Variants in FGF14 observed in about 807,000 individuals in gnomAD.
FGF14 encodes fibroblast growth factor 14.
FGF14 carries 5 observed loss-of-function variants against 25.5 expected under a neutral mutation model. The observed-to-expected ratio is 0.20, with a 90% CI of 0.10 to 0.41. The LOEUF (loss-of-function observed/expected upper bound fraction) is 0.41. FGF14 is among the 10% of genes least tolerant of loss of function. The pLI, the probability that FGF14 is intolerant of heterozygous loss-of-function variation, is 1.00. For synonymous variants in FGF14, 138 were observed against 118.3 expected (o/e 1.17, Z -1.08); for missense variants, 222 against 320.1 (o/e 0.69, Z 2.34).
Position 101,805,707 on chromosome 13 carries a change from G to A in FGF14, c.408+63018C>T, listed in dbSNP as rs1019189370. Among the ~76,000 whole-genome samples the A allele has an allele frequency of 7.9e-5, 12 of 152,096 alleles. No homozygotes were observed. In the East Asian group the frequency reaches 2.3e-3, roughly 29 times the overall value. ...TATCAAAATTGCACAGACAACCAGTGTACAATAAATATAACATTCTGACCA... is the reference window on the plus strand; with the variant it reads ...TATCAAAATTGCACAGACAACCAGTATACAATAAATATAACATTCTGACCA... On this transcript the variant is annotated intron_variant, in intron 3 of 4. Transcript: ENST00000376143.
Position 102,182,791 on chromosome 13 carries a change from A to G in FGF14, c.208+218680T>C, listed in dbSNP as rs1024707928. Among the ~76,000 whole-genome samples, 7 of 152,314 alleles carry G rather than the reference A, an allele frequency of 4.6e-5. No individual in the cohort carries two copies. The East Asian group carries it at 1.2e-3, about 25-fold the overall frequency. On this transcript the variant is annotated intron_variant, in intron 1 of 4. Transcript: ENST00000376131. The stretch of plus-strand genomic sequence containing the variant: ...CTTGCCCAATGGTTTATTGAAGTTC[A>G]GATTACAGAAGTAGATGGATTATAA...
chr13:102,067,468 T>C (rs181160558), intron 1 of FGF14, among the ~76,000 whole-genome samples: 111 of 151,936 alleles, frequency 7.3e-4, no homozygotes, highest in Non-Finnish European at 1.2e-3. Context: ...TCTCAACTCC[T>C]AATTGGGTGA....
At chr13:102,341,903 C>G (rs2056963229) in intron 1 of FGF14, among the ~76,000 whole-genome samples, 1 of 152,138 alleles carries the variant, frequency 6.6e-6, no homozygotes, top group South Asian at 2.1e-4. Context: ...TCCTTTGCCT[C>G]TGTGGTTAGC....
chr13:101,903,484 C>T (rs16959454), intron 1 of FGF14, among the ~76,000 whole-genome samples: 1,851 of 152,050 alleles, frequency 0.012, 44 homozygotes, highest in African/African-American at 0.042. Context: ...CTGGAAGAAT[C>T]GAGTTCTATA....
intron 1 of FGF14, among the ~76,000 whole-genome samples, chr13:102,387,751 G>A (rs1010798046): frequency 1.3e-5 from 2 of 150,654 alleles, no homozygotes; most frequent in Non-Finnish European, 3.0e-5. Flanking sequence ...GGGTTTTTTT[G>A]AGATGGACTC....
At chr13:102,050,958 G>C (rs1331047698) in intron 1 of FGF14, among the ~76,000 whole-genome samples, 1 of 152,134 alleles carries the variant, frequency 6.6e-6, no homozygotes, top group Non-Finnish European at 1.5e-5. Context: ...TTCTTGATGG[G>C]GAACACCAGA....
chr13:102,264,151 G>A (rs937488057), intron 1 of FGF14, among the ~76,000 whole-genome samples: 6 of 151,916 alleles, frequency 3.9e-5, no homozygotes, highest in Non-Finnish European at 8.8e-5. Flanking sequence ...TCATAGCTCT[G>A]TCATTTGCCA....
At chr13:102,028,958 A>G (rs1479136808) in intron 1 of FGF14, among the ~76,000 whole-genome samples, 2 of 152,068 alleles carry the variant, frequency 1.3e-5, no homozygotes, top group South Asian at 4.1e-4. Flanking sequence ...GGGAAGGAGC[A>G]TTCAGCTAAA....
In FGF14 at chr13:102,160,371, AC is replaced by A. The variant is rs1361460692; in HGVS notation, c.208+241099del. Among the ~76,000 whole-genome samples, 5 of 151,642 alleles carry A rather than the reference AC, an allele frequency of 3.3e-5. No homozygotes were observed. In the East Asian group the frequency reaches 9.7e-4, roughly 30 times the overall value. ...AGCTATGTTCTACATCATCCAGTCC[AC>A]CCCCCAGAAACAGCAGCCTCATCAA... On this transcript the variant is annotated intron_variant, in intron 1 of 4. Coordinates refer to the FGF14 transcript ENST00000376131.
At chr13:102,402,026 T>C (rs774848393), upstream of FGF14, 10 of 322,120 alleles carry the variant, frequency 3.1e-5, no homozygotes, top group Non-Finnish European at 5.6e-5. Context: ...AGACTGCCAT[T>C]GTGTAGCCCC....
intron 1 of FGF14, among the ~76,000 whole-genome samples, chr13:102,271,740 T>C (rs1018038008): frequency 2.6e-5 from 4 of 152,174 alleles, no homozygotes; most frequent in Admixed American, 1.3e-4. Flanking sequence ...TCGAGCACTT[T>C]TGGATGTCTG....
rs1181518445 is a variant in FGF14 at position 101,724,627 on chromosome 13, TATATAA to T, written c.608-1666_608-1661del. Among the ~76,000 whole-genome samples, 3 of 92,570 alleles carry T rather than the reference TATATAA, an allele frequency of 3.2e-5. No individual in the cohort carries two copies. In the Admixed American group the frequency reaches 4.0e-4, roughly 12 times the overall value. 60.7% of individuals were successfully genotyped at this position (92,570 alleles called of 152,430 possible). A position where few individuals can be genotyped will look rare whatever the true frequency, so the allele number is the denominator to read the frequency against. ...ATATATATATATATATATATATATA[TATATAA>T]AACAAAGATATGAATGCCCTAGAGT... On this transcript the variant is annotated intron_variant, in intron 4 of 4. Coordinates refer to ENST00000376143, the MANE Select transcript of FGF14 (RefSeq NM_004115.4).
At chr13:102,315,036 C>T (rs2055952953) in intron 1 of FGF14, among the ~76,000 whole-genome samples, 1 of 150,604 alleles carries the variant, frequency 6.6e-6, no homozygotes, top group African/African-American at 2.4e-5. Context: ...CACATACAAA[C>T]ATGTATACAT....
intron 1 of FGF14, among the ~76,000 whole-genome samples, chr13:102,320,027 A>T (rs1198103013): frequency 6.6e-6 from 1 of 152,114 alleles, no homozygotes; most frequent in African/African-American, 2.4e-5. Context: ...CTGTGGAAAG[A>T]TACACACCTA....
At chr13:101,869,857 A>G (rs2044949889) in intron 2 of FGF14, among the ~76,000 whole-genome samples, 1 of 152,240 alleles carries the variant, frequency 6.6e-6, no homozygotes, top group African/African-American at 2.4e-5. Context: ...TAAGTAGTAC[A>G]TAATTAAAAA....
intron 3 of FGF14, among the ~76,000 whole-genome samples, chr13:101,792,237 G>T (rs978267): frequency 0.82 from 125,439 of 152,104 alleles, 53,920 homozygotes; most frequent in East Asian, 1. Flanking sequence ...TTTTCCTATT[G>T]TCAGATGAAA....
chr13:101,915,870 G>T (rs2033422234), intron 1 of FGF14, among the ~76,000 whole-genome samples: 1 of 152,218 alleles, frequency 6.6e-6, no homozygotes, highest in South Asian at 2.1e-4. Flanking sequence ...AGGGCTGCGC[G>T]CTAAGCAGCC....
At chr13:102,244,225 G>A (rs1326305054) in intron 1 of FGF14, among the ~76,000 whole-genome samples, 1 of 151,974 alleles carries the variant, frequency 6.6e-6, no homozygotes, top group Non-Finnish European at 1.5e-5. Flanking sequence ...GATCTGTGCT[G>A]GGTCTGAATT....
chr13:101,914,727 C>A (rs1594710082), intron 1 of FGF14, among the ~76,000 whole-genome samples: 1 of 152,120 alleles, frequency 6.6e-6, no homozygotes, highest in Non-Finnish European at 1.5e-5. Flanking sequence ...TGGCTATATT[C>A]TTAAGAAATA....
Sources: allele counts gnomAD v4.1 joint callset (sites outside exome capture counted in the v4.1 genomes callset), GRCh38; gene constraint gnomAD v4.1.1; transcripts MANE v1.5; gene names NCBI Gene and HGNC (gene_info 2026-07-23, HGNC 2026-07-21).